The following CCDC138 variants were observed in gnomAD, a reference collection of about 807,000 sequenced individuals.
The protein encoded by CCDC138 is coiled-coil domain-containing protein 138.
Under a neutral mutation model 82.3 loss-of-function variants are expected in CCDC138, and 66 were observed. The ratio of observed to expected loss-of-function variants is 0.80; its 90% CI spans 0.66 to 0.98. The LOEUF is 0.98. Ranked by LOEUF, CCDC138 falls within the 50% of genes least tolerant of loss-of-function variation. CCDC138 has a pLI of 0.00. For synonymous variants in CCDC138, 297 were observed against 265.4 expected (o/e 1.12, Z -1.16); for missense variants, 816 against 758.9 (o/e 1.08, Z -0.88).
intron 11 of CCDC138, 102 bp from the exon 12 acceptor site, chr2:108,846,635 CT>C: frequency 1.1e-6 from 1 of 939,538 alleles, no homozygotes; most frequent in Non-Finnish European, 1.6e-6. Context: ...CATGATTGCG[CT>C]ACTGCATTCC....
chr2:108,815,516 G>C (rs75108204), intron 9 of CCDC138, among the ~76,000 whole-genome samples: 11,719 of 128,776 alleles, frequency 0.091, 657 homozygotes, highest in African/African-American at 0.16. Context: ...GCCCAGATTG[G>C]TGTGCAGTGG....
In CCDC138 at chr2:108,788,883, T is replaced by G. The variant is rs1679424283; in HGVS notation, c.183T>G (p.Val61=). The G allele has an allele frequency of 1.2e-6, 2 of 1,614,010 alleles. No homozygotes were observed. Among genetic ancestry groups the G allele is most frequent in the Non-Finnish European group, 1.7e-6 (2 of 1,179,858 alleles). Residue 61 remains valine (V), a synonymous_variant, in exon 3 of 15, where the codon GTT becomes GTG. Transcript: ENST00000295124. ...GDLDIYSGDK[V]GSSLKYSDES... is the part of the protein sequence containing the mutation. ...TGGATATCTACTCTGGAGATAAAGT[T>G]GGTTCATCGTTAAAATATTCTGATG...
At chr2:108,854,511 A>C (rs1692288830) in intron 12 of CCDC138, among the ~76,000 whole-genome samples, 1 of 152,170 alleles carries the variant, frequency 6.6e-6, no homozygotes, top group African/African-American at 2.4e-5. Context: ...AGACATTATT[A>C]CTTATTATAA....
intron 9 of CCDC138, among the ~76,000 whole-genome samples, 195 bp downstream of exon 9, chr2:108,813,122 G>A (rs1016291652): frequency 1.3e-5 from 2 of 151,696 alleles, no homozygotes; most frequent in Non-Finnish European, 1.5e-5. Flanking sequence ...GGTGGCACAC[G>A]CCTGTAGTCC....
chr2:108,854,003 T>A lies in CCDC138; in HGVS notation c.1517-2791T>A, dbSNP rs182194048. On this transcript the variant is annotated intron_variant, in intron 12 of 14. Coordinates refer to ENST00000295124, the MANE Select transcript of CCDC138 (RefSeq NM_144978.3). ...TATATAATATATAATAAATTTATAT[T>A]ATATATAATATATAATAAATTTATA... Among the ~76,000 whole-genome samples the A allele has an allele frequency of 0.013, 74 of 5,844 alleles. No homozygotes were observed. In the East Asian group the frequency reaches 0.16, roughly 13 times the overall value. 3.8% of individuals were successfully genotyped at this position (5,844 alleles called of 152,430 possible). A position where few individuals can be genotyped will look rare whatever the true frequency, so the allele number is the denominator to read the frequency against.
intron 4 of CCDC138, among the ~76,000 whole-genome samples, chr2:108,793,149 A>G (rs1680203551): frequency 6.6e-6 from 1 of 151,270 alleles, no homozygotes; most frequent in African/African-American, 2.4e-5. Context: ...CGAGGTCAGG[A>G]GATCCAGACC....
chr2:108,856,257 G>A (rs1232292969), intron 12 of CCDC138, among the ~76,000 whole-genome samples: 1 of 151,666 alleles, frequency 6.6e-6, no homozygotes, highest in Non-Finnish European at 1.5e-5. Context: ...AATGGCAGAT[G>A]TATCATGAAA....
intron 13 of CCDC138, among the ~76,000 whole-genome samples, chr2:108,861,841 C>G (rs1221338283): frequency 6.6e-6 from 1 of 152,102 alleles, no homozygotes; most frequent in Admixed American, 6.6e-5. Flanking sequence ...CCAGCCTAAA[C>G]TTTCTTCTTA....
intron 10 of CCDC138, among the ~76,000 whole-genome samples, chr2:108,818,031 C>T (rs1685079625): frequency 6.6e-6 from 1 of 152,156 alleles, no homozygotes. Flanking sequence ...GAGGGCTGGG[C>T]ACGGTGGCTC....
chr2:108,849,335 A>G (rs1691028437), intron 12 of CCDC138, among the ~76,000 whole-genome samples: 2 of 152,222 alleles, frequency 1.3e-5, no homozygotes, highest in Non-Finnish European at 2.9e-5. Flanking sequence ...GGTGAAAACT[A>G]TAAACACACA....
At chr2:108,805,047 C>A in intron 7 of CCDC138, 39 bp downstream of exon 7, 1 of 1,117,820 alleles carries the variant, frequency 8.9e-7, no homozygotes, top group South Asian at 2.6e-5. Flanking sequence ...ATAAGACATT[C>A]TAAGAAGTAT....
At chr2:108,820,647 C>T (rs1463856405) in intron 10 of CCDC138, among the ~76,000 whole-genome samples, 1 of 150,488 alleles carries the variant, frequency 6.6e-6, no homozygotes, top group Non-Finnish European at 1.5e-5. Context: ...CAGCAGATTT[C>T]TCAGCAGAAA....
chr2:108,818,244 C>G (rs1685111623), intron 10 of CCDC138, among the ~76,000 whole-genome samples: 1 of 152,082 alleles, frequency 6.6e-6, no homozygotes, highest in Admixed American at 6.6e-5. Context: ...GGGGTCGAGG[C>G]TGCAGTGAGC....
chr2:108,816,755 G>A (rs1328435111), intron 10 of CCDC138, among the ~76,000 whole-genome samples: 1 of 152,114 alleles, frequency 6.6e-6, no homozygotes, highest in Non-Finnish European at 1.5e-5. Flanking sequence ...GAGTGCAGTG[G>A]CCCAGTCATT....
intron 13 of CCDC138, among the ~76,000 whole-genome samples, chr2:108,867,957 G>T (rs1334846686): frequency 6.6e-6 from 1 of 152,134 alleles, no homozygotes; most frequent in Non-Finnish European, 1.5e-5. Context: ...CCTTGCCTTA[G>T]AATTCTGAAA....
At chr2:108,807,208 A>G (rs1302955830) in intron 7 of CCDC138, among the ~76,000 whole-genome samples, 3 of 152,250 alleles carry the variant, frequency 2.0e-5, no homozygotes, top group Admixed American at 6.5e-5. Context: ...TAAAATAATG[A>G]TTAATATGTT....
intron 12 of CCDC138, among the ~76,000 whole-genome samples, chr2:108,848,581 T>G (rs1020186408): frequency 1.3e-5 from 2 of 152,244 alleles, no homozygotes; most frequent in African/African-American, 2.4e-5. Context: ...AGATGTCCCA[T>G]ATGGCTTAAT....
chr2:108,877,374 G>A (rs1696102601), downstream of CCDC138, among the ~76,000 whole-genome samples: 1 of 152,068 alleles, frequency 6.6e-6, no homozygotes, highest in African/African-American at 2.4e-5. Flanking sequence ...GCTGAGGCAG[G>A]AGAACCACTT....
chr2:108,841,722 T>C (rs1689518111), intron 11 of CCDC138, among the ~76,000 whole-genome samples: 1 of 152,190 alleles, frequency 6.6e-6, no homozygotes, highest in Admixed American at 6.5e-5. Flanking sequence ...TTTTAGGCCA[T>C]TTACATGTAA....
Sources: gnomAD v4.1 joint callset for allele counts (sites outside exome capture counted in the v4.1 genomes callset) on GRCh38, gnomAD v4.1.1 for gene constraint, MANE v1.5 for transcripts, NCBI Gene and HGNC (gene_info 2026-07-23, HGNC 2026-07-21) for gene names.